The following FBF1 variants were observed in gnomAD, a reference collection of about 807,000 sequenced individuals.
FBF1 encodes fas-binding factor 1.
A neutral mutation model predicts 147.2 loss-of-function variants in FBF1; 119 were observed. That is an observed-to-expected ratio of 0.81 (90% CI 0.70 to 0.94). The LOEUF (loss-of-function observed/expected upper bound fraction) is 0.94, where lower values mean the gene tolerates loss of function less well. FBF1 is among the 40% of genes least tolerant of loss of function. The probability of loss-of-function intolerance (pLI) is 0.00; values close to 1 mark genes in which losing one functional copy is unlikely to be tolerated. For synonymous variants in FBF1, 601 were observed against 609.0 expected (o/e 0.99, Z 0.19); for missense variants, 1,449 against 1,500.8 (o/e 0.97, Z 0.57).
intron 4 of FBF1, 150 bp downstream of exon 4, chr17:75,935,482 G>A: frequency 6.8e-6 from 5 of 735,132 alleles, no homozygotes; most frequent in Non-Finnish European, 1.1e-5. Context: ...GCCGGGTGTA[G>A]TGGCTTATGC....
chr17:75,938,998 G>A (rs776684552), intron 1 of FBF1, among the ~76,000 whole-genome samples: 1 of 151,650 alleles, frequency 6.6e-6, no homozygotes, highest in Non-Finnish European at 1.5e-5. Context: ...TTCAGAAGAG[G>A]AGCAAAGTAC....
chr17:75,938,065 G>A (rs1385870272), intron 2 of FBF1, 82 bp downstream of exon 2: 1 of 1,583,044 alleles, frequency 6.3e-7, no homozygotes, highest in African/African-American at 1.3e-5. Context: ...CCCCCAGAGT[G>A]TTGCATGCAG....
intron 25 of FBF1, 178 bp from the exon 26 acceptor site, chr17:75,914,476 G>T (rs2065475647): frequency 9.9e-7 from 1 of 1,011,136 alleles, no homozygotes; most frequent in East Asian, 2.7e-5. Flanking sequence ...CACAAGCCAC[G>T]TGACTGTGGC....
Position 75,923,567 on chromosome 17 carries a change from C to T in FBF1, c.1043G>A (p.Ser348Asn). 1 of 1,610,090 alleles carries T rather than the reference C, an allele frequency of 6.2e-7. No individual in the cohort carries two copies. Among genetic ancestry groups the T allele is most frequent in the East Asian group, 2.2e-5 (1 of 44,826 alleles). Residue 348 changes from serine (S) to asparagine (N), a missense_variant, in exon 14 of 30, where the codon AGC (serine) becomes AAC (asparagine). Physicochemically the swap from Ser to Asn is conservative, Grantham distance 46. Transcript: ENST00000636174. This position sits in a 1 kb window ranked among gnomAD's most constrained non-coding sequence, Gnocchi z 4.1. ...TCCTCCCTTCCTGGGCTGGATGGGG[C>T]TGGAAGCCATTGGAGGGCTCTGTTT... is the stretch of plus-strand genomic sequence containing the variant. ...GSKQSPPMASSPIQPRKGGAD... is the reference protein window; with the variant it reads ...GSKQSPPMASNPIQPRKGGAD...
At chr17:75,935,505 C>G in intron 4 of FBF1, 127 bp downstream of exon 4, 1 of 938,272 alleles carries the variant, frequency 1.1e-6, no homozygotes. Context: ...GTAATCCCAG[C>G]ACTTTGGTTT....
At chr17:75,929,250 C>T (rs1004205049) in intron 7 of FBF1, among the ~76,000 whole-genome samples, 1 of 151,956 alleles carries the variant, frequency 6.6e-6, no homozygotes, top group African/African-American at 2.4e-5. Context: ...GTAAGAGAAT[C>T]GCTTAAGGCC....
intron 9 of FBF1, among the ~76,000 whole-genome samples, 152 bp from the exon 10 acceptor site, chr17:75,927,029 C>G (rs1444234517): frequency 6.6e-6 from 1 of 152,102 alleles, no homozygotes; most frequent in Non-Finnish European, 1.5e-5. Context: ...CCTGGGGCAA[C>G]GGGGACTCCA....
chr17:75,912,034 G>T (rs1221969075), intron 29 of FBF1, among the ~76,000 whole-genome samples, 158 bp downstream of exon 29: 1 of 152,228 alleles, frequency 6.6e-6, no homozygotes, highest in Non-Finnish European at 1.5e-5. Flanking sequence ...CTGGCCTAGT[G>T]TGGAAGTCTG....
intron 13 of FBF1, among the ~76,000 whole-genome samples, chr17:75,924,631 C>G (rs910970656): frequency 3.3e-5 from 5 of 152,136 alleles, no homozygotes; most frequent in African/African-American, 1.2e-4. Context: ...GCGCCCACCA[C>G]CACGCCCAGC....
At chr17:75,931,550 G>A (rs1357186095) in intron 5 of FBF1, among the ~76,000 whole-genome samples, 2 of 152,218 alleles carry the variant, frequency 1.3e-5, no homozygotes, top group Non-Finnish European at 1.5e-5. Context: ...TTGGGAGGCC[G>A]AGGCAGGTGG....
At position 75,917,869 on chromosome 17, in the gene FBF1, G is replaced by A. The variant is rs1454054141; in HGVS notation, c.2387-19C>T. 1.3e-6 allele frequency: 2 copies of A among 1,556,230 alleles called. No individual in the cohort carries two copies. The highest frequency in any genetic ancestry group is 1.6e-5 in the African/African-American group (1 of 60,948). Reference sequence around the variant, plus strand: ...TGCAGTGCTGGGGGCAACCCACAGGGTGCTCAGCAGCTGCTCCCCCTTCCC... The same window carrying A: ...TGCAGTGCTGGGGGCAACCCACAGGATGCTCAGCAGCTGCTCCCCCTTCCC... On this transcript the variant is annotated intron_variant, in intron 22 of 29. Coordinates refer to ENST00000636174, the MANE Select transcript of FBF1 (RefSeq NM_001319193.2).
rs898723504 is a variant in FBF1 at position 75,941,026 on chromosome 17, G to C, written c.-262C>G. 1 of 152,246 alleles carries C rather than the reference G, an allele frequency of 6.6e-6. No individual in the cohort carries two copies. The allele number at this position is 152,246 out of a possible 1,614,324, so 9.4% of individuals were successfully genotyped here. ...TGGCCTCCCGCTTCCAGCCGCTGCC[G>C]GCACCCTCAGCCGTCTGGCCTCCCG... On this transcript the variant is annotated 5_prime_UTR_variant, in exon 1 of 30. Transcript: ENST00000636174.
chr17:75,912,578 T>A (rs1328143636), intron 28 of FBF1, among the ~76,000 whole-genome samples: 1 of 152,230 alleles, frequency 6.6e-6, no homozygotes, highest in Non-Finnish European at 1.5e-5. Context: ...TCTTTCTCTT[T>A]AAGACAACAA....
Position 75,929,127 on chromosome 17 carries a change from A to G in FBF1, c.279+870T>C, listed in dbSNP as rs576625929. On this transcript the variant is annotated intron_variant, in intron 7 of 29. Transcript: ENST00000636174. ...TGCCTCGGCCTCCCAAAGTTCTGGGATTACAGGTGCCTGGCCTTTGAGGAG... is the reference window on the plus strand; with the variant it reads ...TGCCTCGGCCTCCCAAAGTTCTGGGGTTACAGGTGCCTGGCCTTTGAGGAG... Among the ~76,000 whole-genome samples the G allele has an allele frequency of 2.0e-5, 3 of 151,900 alleles. No individual in the cohort carries two copies. In the South Asian group the frequency reaches 6.3e-4, roughly 32 times the overall value.
chr17:75,934,879 CAA>C (rs1028679601), intron 4 of FBF1, among the ~76,000 whole-genome samples: 12 of 55,616 alleles, frequency 2.2e-4, no homozygotes, highest in East Asian at 6.0e-4. Flanking sequence ...AACTCTGTCT[CAA>C]AAAAAAAAAA....
chr17:75,936,154 A>G lies in FBF1; in HGVS notation c.32-481T>C, dbSNP rs1297610269. Among the ~76,000 whole-genome samples, 4 of 152,326 alleles carry G rather than the reference A, an allele frequency of 2.6e-5. No individual in the cohort carries two copies. The East Asian group carries it at 7.7e-4, about 29-fold the overall frequency. On this transcript the variant is annotated intron_variant, in intron 3 of 29. Transcript: ENST00000636174. ...ACAGTGAAACCCTGTCTCTACTAAA[A>G]ATACAAAAAATTAGCCAGGTGTGGT... is the stretch of plus-strand genomic sequence containing the variant.
intron 28 of FBF1, chr17:75,913,470 CTT>C: frequency 2.4e-6 from 1 of 419,752 alleles, no homozygotes; most frequent in Non-Finnish European, 4.2e-6. Context: ...TTTTTATTTC[CTT>C]TTTTTTTCCT....
Position 75,918,093 on chromosome 17 carries a change from C to G in FBF1, c.2247-23G>C, listed in dbSNP as rs749858287. 3.1e-6 allele frequency: 5 copies of G among 1,605,786 alleles called. No individual in the cohort carries two copies. The highest frequency in any genetic ancestry group is 2.2e-5 in the East Asian group (1 of 44,722). On this transcript the variant is annotated intron_variant, in intron 21 of 29. Coordinates refer to ENST00000636174, the MANE Select transcript of FBF1 (RefSeq NM_001319193.2). This position sits in a 1 kb window ranked among gnomAD's most constrained non-coding sequence, Gnocchi z 5.8. ...GACCTGGAAGAAGACTGGGTCACCC[C>G]CTCCTGACGGTCTCGGGGACCTTCC...
chr17:75,931,816 A>G (rs1187887519), intron 5 of FBF1, among the ~76,000 whole-genome samples: 1 of 151,964 alleles, frequency 6.6e-6, no homozygotes, highest in Non-Finnish European at 1.5e-5. Flanking sequence ...AGTAAGAAAA[A>G]CAACTGCTCC....
Sources: gnomAD v4.1 joint callset for allele counts (sites outside exome capture counted in the v4.1 genomes callset) on GRCh38, gnomAD v4.1.1 for gene constraint, Gnocchi (gnomAD v3.1) non-coding constraint, MANE v1.5 for transcripts, NCBI Gene and HGNC (gene_info 2026-07-23, HGNC 2026-07-21) for gene names.